SPAG16: variants seen among roughly 807,000 people sequenced by gnomAD.
The protein encoded by SPAG16 is sperm-associated antigen 16 protein.
SPAG16 carries 86 observed loss-of-function variants against 80.4 expected under a neutral mutation model. That is an observed-to-expected ratio of 1.07 (90% CI 0.90 to 1.28). The LOEUF is 1.28. Among genes scored for constraint, SPAG16 ranks in the 50% most tolerant of loss-of-function variants. The pLI, the probability that SPAG16 is intolerant of heterozygous loss-of-function variation, is 0.00. For synonymous variants in SPAG16, 294 were observed against 265.9 expected (o/e 1.11, Z -1.03); for missense variants, 870 against 765.3 (o/e 1.14, Z -1.61).
intron 2 of SPAG16, among the ~76,000 whole-genome samples, 171 bp downstream of exon 2, chr2:213,296,281 C>A (rs1368095518): frequency 6.6e-6 from 1 of 152,124 alleles, no homozygotes; most frequent in Non-Finnish European, 1.5e-5. Flanking sequence ...TGTGAAAATT[C>A]TGTTTAAACA....
At chr2:214,115,579 G>C (rs1433334074) in intron 14 of SPAG16, among the ~76,000 whole-genome samples, 1 of 152,076 alleles carries the variant, frequency 6.6e-6, no homozygotes, top group Non-Finnish European at 1.5e-5. Flanking sequence ...TAAGATGGTG[G>C]AATAAAAAGT....
intron 8 of SPAG16, among the ~76,000 whole-genome samples, chr2:213,367,084 A>G (rs1429273233): frequency 1.3e-5 from 2 of 152,140 alleles, no homozygotes; most frequent in African/African-American, 2.4e-5. Flanking sequence ...GATGGTTTCC[A>G]GTTTCATCCA....
At chr2:213,975,056 AAAAT>A (rs2045295166) in intron 12 of SPAG16, among the ~76,000 whole-genome samples, 1 of 151,384 alleles carries the variant, frequency 6.6e-6, no homozygotes, top group African/African-American at 2.4e-5. Context: ...TAGATTAGAT[AAAAT>A]AAATAAAAAT....
chr2:213,608,823 A>T (rs2061351673), intron 10 of SPAG16, among the ~76,000 whole-genome samples: 1 of 152,050 alleles, frequency 6.6e-6, no homozygotes, highest in Non-Finnish European at 1.5e-5. Context: ...GTAGCTGGGG[A>T]CTACAGGCTC....
chr2:213,617,682 A>G (rs78081328), intron 10 of SPAG16, among the ~76,000 whole-genome samples: 1,968 of 152,220 alleles, frequency 0.013, 47 homozygotes, highest in African/African-American at 0.044. Flanking sequence ...GCATAGTGGC[A>G]TGTGCCTGTA....
chr2:213,965,835 G>A (rs1032818283), intron 12 of SPAG16, among the ~76,000 whole-genome samples: 1 of 152,136 alleles, frequency 6.6e-6, no homozygotes, highest in African/African-American at 2.4e-5. Context: ...CTACTTCTCC[G>A]AAGAACAGCT....
At chr2:213,841,995 T>A (rs2074385686) in intron 10 of SPAG16, among the ~76,000 whole-genome samples, 1 of 152,188 alleles carries the variant, frequency 6.6e-6, no homozygotes, top group Non-Finnish European at 1.5e-5. Context: ...TTTAAATTTG[T>A]AACTAAGCAT....
At chr2:214,115,664 G>T (rs554766843) in intron 14 of SPAG16, among the ~76,000 whole-genome samples, 115 of 152,132 alleles carry the variant, frequency 7.6e-4, no homozygotes, top group African/African-American at 2.7e-3. Context: ...AGATCATGAG[G>T]TCAGGAGATC....
chr2:213,614,840 A>G (rs1000615639), intron 10 of SPAG16, among the ~76,000 whole-genome samples: 1 of 152,222 alleles, frequency 6.6e-6, no homozygotes, highest in African/African-American at 2.4e-5. Flanking sequence ...TGTGATGTAA[A>G]TATTGCTTAA....
At chr2:214,301,015 C>G (rs1694505555) in intron 15 of SPAG16, among the ~76,000 whole-genome samples, 1 of 136,654 alleles carries the variant, frequency 7.3e-6, no homozygotes, top group African/African-American at 2.7e-5. Context: ...CTCATGTACC[C>G]TAAAACTTAA....
chr2:213,695,851 T>C (rs1202741454), intron 10 of SPAG16, among the ~76,000 whole-genome samples: 1 of 152,176 alleles, frequency 6.6e-6, no homozygotes, highest in Non-Finnish European at 1.5e-5. Flanking sequence ...GAGCTTAATG[T>C]AGGTTATGCA....
chr2:213,380,517 C>T (rs183366329), intron 9 of SPAG16, among the ~76,000 whole-genome samples: 13 of 152,286 alleles, frequency 8.5e-5, no homozygotes, highest in Non-Finnish European at 1.6e-4. Flanking sequence ...CACACATACA[C>T]CACTTTCATA....
In SPAG16 at chr2:214,295,091, T is replaced by C. The variant is rs1694042024; in HGVS notation, c.1721-115049T>C. On this transcript the variant is annotated intron_variant, in intron 15 of 15. Coordinates refer to ENST00000331683, the MANE Select transcript of SPAG16 (RefSeq NM_024532.5). ...TGGAGAGGTTGAGGAGTAAAATAAATAGTACCCAGCTCTATCATCAAGAGG... is the reference window on the plus strand; with the variant it reads ...TGGAGAGGTTGAGGAGTAAAATAAACAGTACCCAGCTCTATCATCAAGAGG... 2.0e-5 allele frequency among the ~76,000 whole-genome samples: 3 copies of C among 152,162 alleles called. No homozygotes were observed. The South Asian group carries it at 6.2e-4, about 31-fold the overall frequency.
chr2:213,675,706 C>T (rs989708092), intron 10 of SPAG16, among the ~76,000 whole-genome samples: 7 of 151,844 alleles, frequency 4.6e-5, no homozygotes, highest in Admixed American at 1.3e-4. Flanking sequence ...AGATTTGTGG[C>T]GTTATTTCTG....
chr2:213,711,869 A>G (rs1574903349), intron 10 of SPAG16, among the ~76,000 whole-genome samples: 1 of 152,214 alleles, frequency 6.6e-6, no homozygotes, highest in East Asian at 1.9e-4. Context: ...ATCTAACACT[A>G]TGTATTCTAA....
At chr2:213,717,558 T>A (rs557871360) in intron 10 of SPAG16, among the ~76,000 whole-genome samples, 2 of 152,058 alleles carry the variant, frequency 1.3e-5, no homozygotes, top group South Asian at 4.2e-4. Context: ...TTAAACTCTT[T>A]TTTTTTTTAA....
At chr2:213,410,827 C>A (rs1022502002) in intron 9 of SPAG16, among the ~76,000 whole-genome samples, 2 of 152,142 alleles carry the variant, frequency 1.3e-5, no homozygotes, top group African/African-American at 4.8e-5. Context: ...AGCTCTTTTC[C>A]AGGATTCTAC....
At chr2:213,304,723 T>C (rs2062871480) in intron 3 of SPAG16, among the ~76,000 whole-genome samples, 1 of 152,154 alleles carries the variant, frequency 6.6e-6, no homozygotes, top group Non-Finnish European at 1.5e-5. Context: ...CTCTGTTCTG[T>C]TGGTCTATGT....
chr2:214,114,090 G>A (rs936975628), intron 14 of SPAG16, among the ~76,000 whole-genome samples: 2 of 152,172 alleles, frequency 1.3e-5, no homozygotes. Flanking sequence ...TCCCTCAGCT[G>A]TAGGTCTGTT....
Sources: allele counts gnomAD v4.1 joint callset (sites outside exome capture counted in the v4.1 genomes callset), GRCh38; gene constraint gnomAD v4.1.1; transcripts MANE v1.5; gene names NCBI Gene and HGNC (gene_info 2026-07-23, HGNC 2026-07-21).